Variants in EZH1 observed in about 807,000 individuals in gnomAD.
EZH1 encodes histone-lysine N-methyltransferase EZH1.
A neutral mutation model predicts 100.5 loss-of-function variants in EZH1; 33 were observed. The observed-to-expected ratio is 0.33, with a 90% CI of 0.25 to 0.44. EZH1 has a LOEUF of 0.44. EZH1 is among the 20% of genes least tolerant of loss of function. The pLI, the probability that EZH1 is intolerant of heterozygous loss-of-function variation, is 1.00. For synonymous variants in EZH1, 272 were observed against 313.8 expected (o/e 0.87, Z 1.41); for missense variants, 475 against 928.4 (o/e 0.51, Z 6.35).
At position 42,720,467 on chromosome 17, in the gene EZH1, G is replaced by A. The variant is rs575341608; in HGVS notation, c.488-18C>T. 2.3e-5 allele frequency: 36 copies of A among 1,598,292 alleles called. No individual in the cohort carries two copies. The highest frequency in any genetic ancestry group is 1.7e-4 in the African/African-American group (13 of 74,498). On this transcript the variant is annotated intron_variant, in intron 6 of 20. Transcript: ENST00000428826. ...GATCATCTCTGAAACATGAGGATTC[G>A]AAAGATGAGCAGTGGTCACTTCACA...
intron 4 of EZH1, among the ~76,000 whole-genome samples, 163 bp downstream of exon 4, chr17:42,727,472 A>G (rs1456868297): frequency 6.6e-6 from 1 of 151,492 alleles, no homozygotes; most frequent in African/African-American, 2.4e-5. Context: ...CAAACTCCTC[A>G]CCTCAAGCGA....
In EZH1 at chr17:42,705,076, T is replaced by C. The variant is rs1567983322; in HGVS notation, c.1935+12A>G. On this transcript the variant is annotated intron_variant, in intron 17 of 20. Transcript: ENST00000428826. Reference sequence around the variant, plus strand: ...CCCGAGTAAGAATGTGGGCCAAAACTATAGCACTCACCTCACCACAGTATT... The same window carrying C: ...CCCGAGTAAGAATGTGGGCCAAAACCATAGCACTCACCTCACCACAGTATT... 2 of 1,608,928 alleles carry C rather than the reference T, an allele frequency of 1.2e-6. No individual in the cohort carries two copies. The highest frequency in any genetic ancestry group is 8.5e-7 in the Non-Finnish European group (1 of 1,175,664).
intron 17 of EZH1, 41 bp downstream of exon 17, chr17:42,705,047 C>T: frequency 6.7e-7 from 1 of 1,493,554 alleles, no homozygotes; most frequent in Non-Finnish European, 9.3e-7. Flanking sequence ...TCTCATCAGT[C>T]TCCCCCGAGT....
At chr17:42,736,661 C>T (rs2054069301) in intron 1 of EZH1, among the ~76,000 whole-genome samples, 1 of 152,058 alleles carries the variant, frequency 6.6e-6, no homozygotes, top group Non-Finnish European at 1.5e-5. Flanking sequence ...ATGGTGAAAC[C>T]TCATCTCTAC....
chr17:42,703,143 T>A lies in EZH1; in HGVS notation c.2099-182A>T. On this transcript the variant is annotated intron_variant, in intron 19 of 20. Transcript: ENST00000428826. ...CTGTTATTATGGCAGAAAAATTATCTTTATTATTATTATAAGTGGGGTTTT... is the reference window on the plus strand; with the variant it reads ...CTGTTATTATGGCAGAAAAATTATCATTATTATTATTATAAGTGGGGTTTT... 5.2e-6 allele frequency: 3 copies of A among 582,518 alleles called. No homozygotes were observed. The South Asian group carries it at 6.2e-5, about 12-fold the overall frequency. The allele number at this position is 582,518 out of a possible 1,614,324, so 36.1% of individuals were successfully genotyped here.
intron 1 of EZH1, among the ~76,000 whole-genome samples, chr17:42,742,062 A>G (rs1390023970): frequency 1.3e-5 from 2 of 152,112 alleles, no homozygotes; most frequent in Non-Finnish European, 2.9e-5. Context: ...ATTTTTCTTA[A>G]CTTTCCCTTC....
intron 1 of EZH1, among the ~76,000 whole-genome samples, chr17:42,739,222 C>A (rs751758670): frequency 2.6e-5 from 4 of 152,126 alleles, no homozygotes; most frequent in African/African-American, 7.2e-5. Context: ...AAAATCAATT[C>A]TGTGACTAGG....
intron 10 of EZH1, chr17:42,714,752 T>A (rs1214042311): frequency 5.8e-6 from 1 of 171,288 alleles, no homozygotes; most frequent in Non-Finnish European, 1.2e-5. Context: ...CTAAAGGAAA[T>A]TCCAAAAGAG....
intron 12 of EZH1, among the ~76,000 whole-genome samples, chr17:42,711,730 G>A (rs1338422584): frequency 2.0e-5 from 3 of 151,434 alleles, no homozygotes; most frequent in Non-Finnish European, 4.4e-5. Context: ...AGGACTGCTT[G>A]AGCCCAGGAG....
At chr17:42,716,290 G>A (rs981715883) in intron 10 of EZH1, among the ~76,000 whole-genome samples, 1 of 152,076 alleles carries the variant, frequency 6.6e-6, no homozygotes, top group Non-Finnish European at 1.5e-5. Context: ...TACCAAATGA[G>A]CATCACAATG....
Position 42,724,304 on chromosome 17 carries a change from C to T in EZH1, c.366+1G>A, listed in dbSNP as rs566521409. On this transcript the variant is annotated splice_donor_variant, in intron 5 of 20. Transcript: ENST00000428826. LOFTEE classifies it high-confidence loss of function. ...ACCACCACAGTGCTTTCAATACATACCATAAAGTTCTGTTGGAGAGGGGAC... is the reference window on the plus strand; with the variant it reads ...ACCACCACAGTGCTTTCAATACATATCATAAAGTTCTGTTGGAGAGGGGAC... 1.2e-6 allele frequency: 2 copies of T among 1,613,602 alleles called. No homozygotes were observed. The highest frequency in any genetic ancestry group is 1.7e-6 in the Non-Finnish European group (2 of 1,179,696).
intron 18 of EZH1, 25 bp downstream of exon 18, chr17:42,704,577 G>A (rs1444248532): frequency 1.3e-5 from 20 of 1,572,652 alleles, no homozygotes; most frequent in Non-Finnish European, 1.7e-5. Context: ...AGACCACCTT[G>A]GGATGAGACA....
chr17:42,703,944 A>C (rs1597820442), intron 18 of EZH1, 124 bp from the exon 19 acceptor site: 1 of 757,458 alleles, frequency 1.3e-6, no homozygotes, highest in Admixed American at 1.9e-5. Flanking sequence ...GTTGAAGCCC[A>C]GTGTGCTAAC....
intron 1 of EZH1, among the ~76,000 whole-genome samples, chr17:42,742,667 A>C (rs536875044): frequency 7.9e-5 from 12 of 152,294 alleles, no homozygotes; most frequent in African/African-American, 2.9e-4. Flanking sequence ...ATTATACTTA[A>C]TAGTAGTATC....
At chr17:42,733,390 C>A (rs964312684) in intron 1 of EZH1, among the ~76,000 whole-genome samples, 4 of 151,010 alleles carry the variant, frequency 2.6e-5, no homozygotes, top group Admixed American at 6.6e-5. Context: ...GTAATCCCAG[C>A]CAGCACTTTG....
At chr17:42,736,592 T>C (rs1045118850) in intron 1 of EZH1, among the ~76,000 whole-genome samples, 1 of 152,194 alleles carries the variant, frequency 6.6e-6, no homozygotes, top group African/African-American at 2.4e-5. Context: ...CCCAGCACTT[T>C]GGGAGGCTGA....
At chr17:42,717,769 C>T (rs754511581) in intron 10 of EZH1, among the ~76,000 whole-genome samples, 5 of 152,132 alleles carry the variant, frequency 3.3e-5, no homozygotes, top group Non-Finnish European at 7.4e-5. Context: ...TAATGATCTT[C>T]GAATCTGCAC....
In EZH1 at chr17:42,701,256, T is replaced by A. The variant is rs544344255; in HGVS notation, c.*1276A>T. The A allele has an allele frequency of 2.6e-5, 4 of 152,924 alleles. No individual in the cohort carries two copies. The East Asian group carries it at 7.5e-4, about 29-fold the overall frequency. 9.5% of individuals were successfully genotyped at this position (152,924 alleles called of 1,614,324 possible). ...GATTTAGGCAGGGACCCTAGAGACC[T>A]TAGGCCAAACTCTACCCCAATCTAT... is the stretch of plus-strand genomic sequence containing the variant. On this transcript the variant is annotated 3_prime_UTR_variant, in exon 21 of 21. Coordinates refer to ENST00000428826, the MANE Select transcript of EZH1 (RefSeq NM_001991.5).
intron 13 of EZH1, chr17:42,709,579 A>C (rs2053433575): frequency 2.8e-6 from 1 of 357,490 alleles, no homozygotes; most frequent in South Asian, 6.4e-5. Flanking sequence ...CCATGAGGCC[A>C]GCTCATGTCC....
Sources: allele counts gnomAD v4.1 joint callset (sites outside exome capture counted in the v4.1 genomes callset), GRCh38; gene constraint gnomAD v4.1.1; transcripts MANE v1.5; gene names NCBI Gene and HGNC (gene_info 2026-07-23, HGNC 2026-07-21).